Variants in RTL4 observed in about 807,000 individuals in gnomAD.
RTL4 encodes retrotransposon Gag like 4.
RTL4 carries 4 observed loss-of-function variants against 5.3 expected under a neutral mutation model. The observed-to-expected ratio is 0.75, with a 90% CI of 0.37 to 1.72. The LOEUF (loss-of-function observed/expected upper bound fraction) is 1.72, where lower values mean the gene tolerates loss of function less well. Ranked by LOEUF, RTL4 falls within the 40% of genes most tolerant of loss-of-function variation. The probability of loss-of-function intolerance (pLI) is 0.04; values close to 1 mark genes in which losing one functional copy is unlikely to be tolerated. For synonymous variants in RTL4, 98 were observed against 87.3 expected (o/e 1.12, Z -0.68); for missense variants, 260 against 227.1 (o/e 1.14, Z -0.93).
the RTL4 span, among the ~76,000 whole-genome samples, chrX:112,190,141 TTTC>T: frequency 3.5e-5 from 1 of 28,375 alleles, no homozygotes; most frequent in Admixed American, 5.0e-4. Context: ...AGCCTGTCCC[TTTC>T]TTTCTTTCTT....
the RTL4 span, among the ~76,000 whole-genome samples, chrX:112,286,247 C>T: frequency 9.2e-4 from 103 of 111,799 alleles, 1 homozygote; most frequent in African/African-American, 3.2e-3. Flanking sequence ...GGTAGAAATA[C>T]GTTTCGTGTA....
At chrX:112,274,614 G>C in the RTL4 span, among the ~76,000 whole-genome samples, 2 of 111,465 alleles carry the variant, frequency 1.8e-5, no homozygotes, top group African/African-American at 6.5e-5. Flanking sequence ...CATTGTAAAA[G>C]ACTCATAGTT....
the RTL4 span, among the ~76,000 whole-genome samples, chrX:112,234,079 C>G: frequency 9.1e-6 from 1 of 110,246 alleles, no homozygotes; most frequent in Non-Finnish European, 1.9e-5. Flanking sequence ...GTAGTCCCAG[C>G]TACTCGGGAG....
the RTL4 span, among the ~76,000 whole-genome samples, chrX:112,417,512 A>C: frequency 0.53 from 58,315 of 110,545 alleles, 13,484 homozygotes; most frequent in Non-Finnish European, 0.7. Flanking sequence ...TTTTTGAAGA[A>C]ATTCAGTTGC....
chrX:112,335,911 C>G, the RTL4 span, among the ~76,000 whole-genome samples: 2 of 109,573 alleles, frequency 1.8e-5, no homozygotes, highest in African/African-American at 6.6e-5. Flanking sequence ...GGTGCGATCT[C>G]GGCTCACTGC....
At chrX:112,277,990 C>A in the RTL4 span, among the ~76,000 whole-genome samples, 12 of 111,907 alleles carry the variant, frequency 1.1e-4, no homozygotes, top group African/African-American at 3.9e-4. Flanking sequence ...ACAAGCCCAT[C>A]CAAGGATGAT....
chrX:112,232,516 T>G, the RTL4 span, among the ~76,000 whole-genome samples: 1 of 112,148 alleles, frequency 8.9e-6, no homozygotes, highest in Admixed American at 9.4e-5. Flanking sequence ...CTCTTAGTGA[T>G]TGACTGACCC....
the RTL4 span, among the ~76,000 whole-genome samples, chrX:112,192,065 A>C: frequency 1.0e-5 from 1 of 98,167 alleles, no homozygotes; most frequent in Admixed American, 1.1e-4. Flanking sequence ...TAGTGCAGAG[A>C]AATACTAGGG....
the RTL4 span, among the ~76,000 whole-genome samples, chrX:112,225,135 C>T: frequency 2.4e-4 from 27 of 111,933 alleles, no homozygotes; most frequent in African/African-American, 7.1e-4. Flanking sequence ...GAAATCGAAA[C>T]CCAGGCAGTT....
chrX:112,134,813 CT>C, the RTL4 span, among the ~76,000 whole-genome samples: 10 of 111,098 alleles, frequency 9.0e-5, no homozygotes, highest in African/African-American at 3.3e-4. Flanking sequence ...ATTATATGTA[CT>C]TTTTTTTGGT....
chrX:112,325,855 T>A, the RTL4 span, among the ~76,000 whole-genome samples: 1 of 111,462 alleles, frequency 9.0e-6, no homozygotes, highest in African/African-American at 3.3e-5. Flanking sequence ...ACCATCAGAG[T>A]GAACACGCAA....
At chrX:112,087,043 C>T in the RTL4 span, among the ~76,000 whole-genome samples, 2 of 111,436 alleles carry the variant, frequency 1.8e-5, no homozygotes, top group African/African-American at 6.5e-5. Flanking sequence ...ATGGGGCCAG[C>T]TCTGAGCAAA....
chrX:112,262,220 C>G, the RTL4 span, among the ~76,000 whole-genome samples: 2 of 111,821 alleles, frequency 1.8e-5, no homozygotes, highest in South Asian at 3.7e-4. Flanking sequence ...AAGAGCTTCT[C>G]CACAGCAAAA....
At chrX:112,142,830 A>AT in the RTL4 span, among the ~76,000 whole-genome samples, 2 of 110,699 alleles carry the variant, frequency 1.8e-5, no homozygotes, top group South Asian at 3.9e-4. Context: ...CAAAGGAGAA[A>AT]TTTTTTTTCT....
the RTL4 span, among the ~76,000 whole-genome samples, chrX:112,239,994 G>A: frequency 8.9e-6 from 1 of 112,125 alleles, no homozygotes. Flanking sequence ...TCAACAATGA[G>A]ATGATTCAGA....
At chrX:112,278,014 G>A in the RTL4 span, among the ~76,000 whole-genome samples, 4 of 111,826 alleles carry the variant, frequency 3.6e-5, no homozygotes, top group East Asian at 2.8e-4. Context: ...AGTGTTCAGG[G>A]AAATATACCT....
chrX:112,202,573 T>C, the RTL4 span, among the ~76,000 whole-genome samples: 22 of 104,039 alleles, frequency 2.1e-4, no homozygotes, highest in Non-Finnish European at 3.5e-4. Flanking sequence ...TTATTATTAT[T>C]ATTATGAGAC....
chrX:112,318,623 G>T, the RTL4 span, among the ~76,000 whole-genome samples: 4 of 111,372 alleles, frequency 3.6e-5, no homozygotes, highest in Middle Eastern at 4.2e-3. Flanking sequence ...TTTTCTTACT[G>T]AACTACCTAT....
the RTL4 span, among the ~76,000 whole-genome samples, chrX:112,317,951 A>G: frequency 1.8e-5 from 2 of 112,069 alleles, no homozygotes; most frequent in South Asian, 3.7e-4. Context: ...TGACATAGGA[A>G]GTTCCTAAAG....
Sources: gnomAD v4.1 joint callset for allele counts (sites outside exome capture counted in the v4.1 genomes callset) on GRCh38, gnomAD v4.1.1 for gene constraint, MANE v1.5 for transcripts, NCBI Gene and HGNC (gene_info 2026-07-23, HGNC 2026-07-21) for gene names.